The following THADA variants were observed in gnomAD, a reference collection of about 807,000 sequenced individuals.
The protein encoded by THADA is tRNA (32-2'-O)-methyltransferase regulator THADA.
THADA carries 213 observed loss-of-function variants against 219.8 expected under a neutral mutation model. That is an observed-to-expected ratio of 0.97 (90% CI 0.87 to 1.09). THADA has a LOEUF of 1.09. Ranked by LOEUF, THADA falls within the 50% of genes least tolerant of loss-of-function variation. THADA has a pLI of 0.00. For missense variants in THADA, 2,956 were observed against 2,311.3 expected, an observed-to-expected ratio of 1.28 and a Z score of -5.72; for synonymous variants, 1,018 against 828.9, an observed-to-expected ratio of 1.23 and a Z score of -3.92.
At chr2:43,276,637 G>A (rs554173519) in intron 36 of THADA, among the ~76,000 whole-genome samples, 74 of 152,254 alleles carry the variant, frequency 4.9e-4, no homozygotes, top group African/African-American at 1.7e-3. Context: ...GCTGTGCTGC[G>A]TTCTGAGGAA....
chr2:43,294,247 T>C (rs963312614), intron 31 of THADA, among the ~76,000 whole-genome samples: 2 of 152,266 alleles, frequency 1.3e-5, no homozygotes, highest in Non-Finnish European at 2.9e-5. Flanking sequence ...CTGCTTACTA[T>C]GTGCTAGGAG....
intron 26 of THADA, among the ~76,000 whole-genome samples, chr2:43,462,337 A>C (rs985241083): frequency 1.3e-5 from 2 of 152,328 alleles, no homozygotes; most frequent in Admixed American, 6.5e-5. Flanking sequence ...AAGCCATTTG[A>C]AAAGTATAAA....
chr2:43,509,285 A>G (rs1361008914), intron 22 of THADA, among the ~76,000 whole-genome samples: 1 of 152,226 alleles, frequency 6.6e-6, no homozygotes, highest in Non-Finnish European at 1.5e-5. Flanking sequence ...AATTAAAGCA[A>G]TTTATCTGGG....
intron 31 of THADA, among the ~76,000 whole-genome samples, chr2:43,301,770 G>C (rs972716501): frequency 1.3e-5 from 2 of 152,184 alleles, no homozygotes; most frequent in Non-Finnish European, 2.9e-5. Flanking sequence ...AAGTGACCTA[G>C]GTACAGCAGG....
Position 43,577,239 on chromosome 2 carries a change from T to C in THADA, c.820A>G (p.Ser274Gly). 6.3e-7 allele frequency: 1 copy of C among 1,581,968 alleles called. No individual in the cohort carries two copies. Among genetic ancestry groups the C allele is most frequent in the Non-Finnish European group, 8.6e-7 (1 of 1,163,848 alleles). The change falls in exon 10 of 38, where the codon AGC becomes GGC. Residue 274 changes from serine to glycine, a missense_variant. Ser to Gly is a moderately conservative substitution (Grantham distance 56). Transcript: ENST00000405975. ...HPSEKIPHLISSVLLRSVDCT... is the reference protein window; with the variant it reads ...HPSEKIPHLIGSVLLRSVDCT... ...TCCACTGAACGAAGCAGCACACTGC[T>C]AATCTGGAAAAATATAGCAGAGCTA... is the stretch of plus-strand genomic sequence containing the variant.
intron 35 of THADA, among the ~76,000 whole-genome samples, chr2:43,285,299 G>A (rs1225991679): frequency 6.6e-6 from 1 of 152,194 alleles, no homozygotes; most frequent in Non-Finnish European, 1.5e-5. Flanking sequence ...CCTGGTGGGA[G>A]GTGATTGGAT....
At position 43,430,228 on chromosome 2, in the gene THADA, G is replaced by C; in HGVS notation, c.3911C>G (p.Ala1304Gly). 6.5e-7 allele frequency: 1 copy of C among 1,541,726 alleles called. No homozygotes were observed. Among genetic ancestry groups the C allele is most frequent in the Admixed American group, 2.0e-5 (1 of 49,984 alleles). Residue 1304 changes from alanine to glycine, a missense_variant, in exon 27 of 38, where the codon GCC becomes GGC. Physicochemically the swap from Ala to Gly is moderately conservative, Grantham distance 60. Coordinates refer to ENST00000405975, the MANE Select transcript of THADA (RefSeq NM_022065.5). ...CTCTTCTTACCTGTCTACTGTATTG[G>C]CTACAGTTTCCAACTGTTTGAGAAG... ...PFLLKQLETV[A>G]NTVDSDMGEP...
intron 36 of THADA, among the ~76,000 whole-genome samples, chr2:43,250,730 G>GTAAAA (rs989525375): frequency 1.5e-4 from 22 of 151,000 alleles, no homozygotes; most frequent in South Asian, 1.0e-3. Context: ...ATAAAATACA[G>GTAAAA]TAAAATAAAA....
At chr2:43,515,000 ATAT>A (rs1278230441) in intron 22 of THADA, among the ~76,000 whole-genome samples, 3 of 27,336 alleles carry the variant, frequency 1.1e-4, no homozygotes, top group African/African-American at 1.7e-4. Flanking sequence ...ATAATATATA[ATAT>A]TATATATATT....
At chr2:43,410,474 T>C (rs752316882) in intron 28 of THADA, among the ~76,000 whole-genome samples, 5 of 152,214 alleles carry the variant, frequency 3.3e-5, no homozygotes, top group Admixed American at 1.3e-4. Context: ...AGTTGATGGA[T>C]ACAACATAAA....
At chr2:43,580,054 C>T (rs894996562) in intron 8 of THADA, among the ~76,000 whole-genome samples, 1 of 126,830 alleles carries the variant, frequency 7.9e-6, no homozygotes, top group Non-Finnish European at 1.6e-5. Context: ...GAGACGGAGG[C>T]TTGCTCTGTT....
chr2:43,403,640 C>T (rs1337428585), intron 28 of THADA, among the ~76,000 whole-genome samples: 1 of 152,090 alleles, frequency 6.6e-6, no homozygotes. Context: ...TTTCCTGGCC[C>T]ACCTCCAGCC....
At chr2:43,317,443 C>G (rs1678212791) in intron 31 of THADA, among the ~76,000 whole-genome samples, 1 of 152,156 alleles carries the variant, frequency 6.6e-6, no homozygotes, top group Non-Finnish European at 1.5e-5. Flanking sequence ...TTTCAAGGAG[C>G]TTATATGCTA....
At chr2:43,413,813 A>G (rs1425026492) in intron 28 of THADA, among the ~76,000 whole-genome samples, 3 of 152,220 alleles carry the variant, frequency 2.0e-5, no homozygotes, top group African/African-American at 7.2e-5. Context: ...AAATGGATAC[A>G]TAATGCTTTA....
intron 30 of THADA, among the ~76,000 whole-genome samples, chr2:43,331,139 T>A (rs1054848606): frequency 6.6e-6 from 1 of 152,230 alleles, no homozygotes; most frequent in Non-Finnish European, 1.5e-5. Context: ...ATATCTTGAA[T>A]TTCCACATAA....
At chr2:43,283,760 T>A (rs932796381) in intron 35 of THADA, among the ~76,000 whole-genome samples, 1 of 152,210 alleles carries the variant, frequency 6.6e-6, no homozygotes, top group African/African-American at 2.4e-5. Context: ...ACAAAGAGAT[T>A]ATCTGAAACT....
chr2:43,243,284 A>T (rs969070342), intron 36 of THADA, among the ~76,000 whole-genome samples: 1 of 152,150 alleles, frequency 6.6e-6, no homozygotes, highest in African/African-American at 2.4e-5. Flanking sequence ...CCTAGGGTAC[A>T]TCTGCCCGTG....
intron 22 of THADA, among the ~76,000 whole-genome samples, chr2:43,515,333 AATATAAT>A (rs1691543606): frequency 7.4e-5 from 1 of 13,436 alleles, no homozygotes; most frequent in Non-Finnish European, 1.5e-4. Flanking sequence ...TATAATATAT[AATATAAT>A]ATATAATATT....
chr2:43,560,269 G>A lies in THADA; in HGVS notation c.2428C>T (p.Leu810=). The change falls in exon 16 of 38, where the codon CTG becomes TTG. Residue 810 remains leucine, a synonymous_variant. Coordinates refer to ENST00000405975, the MANE Select transcript of THADA (RefSeq NM_022065.5). ...ACAGCTGTTTTTGATAACTTCATCAGAAGATCAAATGCTAAAATTTTCACG... is the reference window on the plus strand; with the variant it reads ...ACAGCTGTTTTTGATAACTTCATCAAAAGATCAAATGCTAAAATTTTCACG... The part of the protein sequence containing the change: ...EDVKILAFDL[L]MKLSKTAVHF... 1 of 1,612,360 alleles carries A rather than the reference G, an allele frequency of 6.2e-7. No individual in the cohort carries two copies. The highest frequency in any genetic ancestry group is 2.2e-5 in the East Asian group (1 of 44,764).
Sources: gnomAD v4.1 joint callset for allele counts (sites outside exome capture counted in the v4.1 genomes callset) on GRCh38, gnomAD v4.1.1 for gene constraint, MANE v1.5 for transcripts, NCBI Gene and HGNC (gene_info 2026-07-23, HGNC 2026-07-21) for gene names.